The following DCC variants were observed in gnomAD, a reference collection of about 807,000 sequenced individuals.
DCC encodes the protein netrin receptor DCC.
In DCC, 58 loss-of-function variants were observed where a neutral mutation model predicts 172.5. The observed-to-expected ratio is 0.34, with a 90% confidence interval of 0.27 to 0.42. The LOEUF (loss-of-function observed/expected upper bound fraction) is 0.42, where lower values mean the gene tolerates loss of function less well. Ranked by LOEUF, DCC falls within the 10% of genes least tolerant of loss-of-function variation. The pLI is 1.00. For missense variants in DCC, 1,740 were observed against 1,791.0 expected, an observed-to-expected ratio of 0.97 and a Z score of 0.51; for synonymous variants, 709 against 644.5, an observed-to-expected ratio of 1.10 and a Z score of -1.52.
intron 1 of DCC, among the ~76,000 whole-genome samples, chr18:52,574,242 C>A (rs1012679241): frequency 6.6e-6 from 1 of 152,078 alleles, no homozygotes; most frequent in Non-Finnish European, 1.5e-5. Flanking sequence ...TCTTTTCAAC[C>A]CATTGTTATT....
chr18:53,245,076 T>A (rs980145171), intron 12 of DCC, among the ~76,000 whole-genome samples: 1 of 152,108 alleles, frequency 6.6e-6, no homozygotes, highest in African/African-American at 2.4e-5. Context: ...TAGAGTCATA[T>A]ATTTGGATGC....
chr18:52,992,484 A>G (rs1246600042), intron 5 of DCC, among the ~76,000 whole-genome samples: 1 of 152,054 alleles, frequency 6.6e-6, no homozygotes, highest in Non-Finnish European at 1.5e-5. Flanking sequence ...TCTCCTTCCA[A>G]CTACACGTTT....
chr18:53,316,664 C>G (rs914546721), intron 13 of DCC, among the ~76,000 whole-genome samples: 6 of 152,212 alleles, frequency 3.9e-5, no homozygotes, highest in Admixed American at 3.3e-4. Flanking sequence ...TCCTTGAAGA[C>G]ACCCTTCACA....
At chr18:53,096,061 C>A (rs1432060427) in intron 7 of DCC, among the ~76,000 whole-genome samples, 2 of 151,984 alleles carry the variant, frequency 1.3e-5, no homozygotes, top group Non-Finnish European at 2.9e-5. Context: ...TGCTAAATGA[C>A]AAGTTAATGG....
intron 7 of DCC, among the ~76,000 whole-genome samples, chr18:53,114,070 C>T (rs565403414): frequency 6.6e-6 from 1 of 151,534 alleles, no homozygotes; most frequent in South Asian, 2.1e-4. Context: ...TGAAAAAAGA[C>T]AAGTCAAATA....
intron 5 of DCC, among the ~76,000 whole-genome samples, chr18:52,940,454 A>C (rs1268965508): frequency 6.6e-6 from 1 of 152,162 alleles, no homozygotes; most frequent in Non-Finnish European, 1.5e-5. Flanking sequence ...GACTAAGCCC[A>C]AAGTAGAACA....
At chr18:53,478,970 T>C (rs929059385) in intron 25 of DCC, among the ~76,000 whole-genome samples, 1 of 152,158 alleles carries the variant, frequency 6.6e-6, no homozygotes, top group African/African-American at 2.4e-5. Flanking sequence ...CATCCTAAGA[T>C]TGGTCCCAGC....
At chr18:53,355,040 C>A (rs1455308027) in intron 15 of DCC, among the ~76,000 whole-genome samples, 2 of 151,938 alleles carry the variant, frequency 1.3e-5, no homozygotes, top group African/African-American at 2.4e-5. Context: ...GAATCCTTTC[C>A]CCATTTCTTG....
intron 5 of DCC, among the ~76,000 whole-genome samples, chr18:53,060,761 A>C (rs1183438349): frequency 6.6e-6 from 1 of 152,148 alleles, no homozygotes; most frequent in Non-Finnish European, 1.5e-5. Context: ...ATAAACAGGA[A>C]AATGAGTCCT....
intron 5 of DCC, among the ~76,000 whole-genome samples, chr18:53,037,036 A>G (rs910602138): frequency 4.6e-5 from 7 of 151,998 alleles, no homozygotes; most frequent in African/African-American, 1.7e-4. Context: ...AATTATTTTC[A>G]TCAGTTTCAG....
At chr18:53,019,943 A>G (rs1167806073) in intron 5 of DCC, among the ~76,000 whole-genome samples, 1 of 152,134 alleles carries the variant, frequency 6.6e-6, no homozygotes, top group African/African-American at 2.4e-5. Flanking sequence ...CATATTAGAG[A>G]AAATGGCATT....
intron 1 of DCC, among the ~76,000 whole-genome samples, chr18:52,588,948 A>G (rs1598936150): frequency 6.6e-6 from 1 of 152,302 alleles, no homozygotes; most frequent in South Asian, 2.1e-4. Context: ...GGCAATATAC[A>G]ATATTTGCCT....
intron 1 of DCC, among the ~76,000 whole-genome samples, chr18:52,711,313 T>G (rs1416739185): frequency 6.6e-6 from 1 of 152,124 alleles, no homozygotes; most frequent in African/African-American, 2.4e-5. Context: ...CCGCAACCTC[T>G]GCCTCCCGGG....
At chr18:53,378,576 G>T (rs369895521) in intron 15 of DCC, among the ~76,000 whole-genome samples, 52 of 152,268 alleles carry the variant, frequency 3.4e-4, no homozygotes, top group African/African-American at 1.2e-3. Flanking sequence ...AAATTGATTA[G>T]GGACTTGCTA....
At chr18:52,461,230 C>T (rs1181183500) in intron 1 of DCC, among the ~76,000 whole-genome samples, 1 of 152,174 alleles carries the variant, frequency 6.6e-6, no homozygotes, top group Non-Finnish European at 1.5e-5. Context: ...CAGGGTCATT[C>T]ATGCCCCTGT....
intron 2 of DCC, among the ~76,000 whole-genome samples, chr18:52,786,309 G>C (rs151051694): frequency 1.3e-5 from 2 of 151,946 alleles, no homozygotes; most frequent in Non-Finnish European, 2.9e-5. Context: ...TTTCTTCCAA[G>C]CTGCAGGAAA....
In DCC at chr18:52,373,887, C is replaced by CTTTTTTTT. The variant is rs779518696; in HGVS notation, c.91+33009_91+33010insTTTTTTTT. ...ATCAATGAAGCATATTTGGTTGCAT[C>CTTTTTTTT]ATTTTTTTTTTTTTTTTTTTTTTGA... On this transcript the variant is annotated intron_variant, in intron 1 of 28. Transcript: ENST00000442544. Among the ~76,000 whole-genome samples the CTTTTTTTT allele has an allele frequency of 1.1e-4, 16 of 141,108 alleles. 1 individual carries two copies. Among genetic ancestry groups the CTTTTTTTT allele is most frequent in the African/African-American group, 7.9e-5 (3 of 37,786 alleles). The allele number at this position is 141,108 out of a possible 152,430, so 92.6% of individuals were successfully genotyped here. A position where few individuals can be genotyped will look rare whatever the true frequency, so the allele number is the denominator to read the frequency against.
intron 14 of DCC, among the ~76,000 whole-genome samples, chr18:53,337,044 C>A (rs1313199016): frequency 6.6e-6 from 1 of 152,132 alleles, no homozygotes; most frequent in Non-Finnish European, 1.5e-5. Context: ...TCTTCAAGAG[C>A]CAGTTGGTGT....
chr18:52,628,575 T>C (rs971434730), intron 1 of DCC, among the ~76,000 whole-genome samples: 2 of 152,216 alleles, frequency 1.3e-5, no homozygotes, highest in Non-Finnish European at 2.9e-5. Flanking sequence ...AGGTCAATTA[T>C]AGGCAGTGAA....
Sources: allele counts gnomAD v4.1 joint callset (sites outside exome capture counted in the v4.1 genomes callset), GRCh38; gene constraint gnomAD v4.1.1; transcripts MANE v1.5; gene names NCBI Gene and HGNC (gene_info 2026-07-23, HGNC 2026-07-21).